The following MIA2 variants were observed in gnomAD, a reference collection of about 807,000 sequenced individuals.
The protein encoded by MIA2 is melanoma inhibitory activity protein 2.
Under a neutral mutation model 167.8 loss-of-function variants are expected in MIA2, and 127 were observed. That is an observed-to-expected ratio of 0.76 (90% CI 0.66 to 0.88). The LOEUF is 0.88. Ranked by LOEUF, MIA2 falls within the 40% of genes least tolerant of loss-of-function variation. The pLI is 0.00. For missense variants in MIA2, 1,690 were observed against 1,624.7 expected (o/e 1.04, Z -0.69); for synonymous variants, 552 against 541.9 (o/e 1.02, Z -0.26).
At chr14:39,245,759 C>G (rs1177099622) in intron 3 of MIA2, among the ~76,000 whole-genome samples, 1 of 152,178 alleles carries the variant, frequency 6.6e-6, no homozygotes, top group African/African-American at 2.4e-5. Context: ...GGAACCCACT[C>G]CTGTGATAAC....
At chr14:39,257,808 G>A (rs978644063) in intron 6 of MIA2, among the ~76,000 whole-genome samples, 3 of 152,182 alleles carry the variant, frequency 2.0e-5, no homozygotes, top group African/African-American at 7.2e-5. Flanking sequence ...GCATTTGCTT[G>A]TCTGTAAAGG....
At chr14:39,279,565 T>A (rs2058636651) in intron 9 of MIA2, 28 bp downstream of exon 9, 2 of 1,454,090 alleles carry the variant, frequency 1.4e-6, no homozygotes, top group Non-Finnish European at 1.9e-6. Context: ...ATAATATTCA[T>A]GTTAGAGTCA....
intron 6 of MIA2, chr14:39,267,048 C>G (rs1425815499): frequency 1.9e-6 from 2 of 1,040,392 alleles, no homozygotes; most frequent in East Asian, 9.7e-5. Context: ...AGGTAGAGCG[C>G]CGGCCCCTTT....
At chr14:39,238,462 T>C (rs2053870335) in intron 2 of MIA2, among the ~76,000 whole-genome samples, 1 of 152,148 alleles carries the variant, frequency 6.6e-6, no homozygotes, top group Non-Finnish European at 1.5e-5. Context: ...CGTGAGCCAC[T>C]ATGCCCGGCC....
chr14:39,237,101 T>G, intron 2 of MIA2, 46 bp downstream of exon 2: 1 of 1,596,740 alleles, frequency 6.3e-7, no homozygotes, highest in Non-Finnish European at 8.5e-7. Flanking sequence ...AATGACCAAC[T>G]TGCACAAAGA....
chr14:39,343,853 A>G (rs538662824), intron 25 of MIA2, among the ~76,000 whole-genome samples: 3 of 152,216 alleles, frequency 2.0e-5, no homozygotes, highest in South Asian at 4.1e-4. Flanking sequence ...GTGTATATGT[A>G]TATGTGCATT....
At chr14:39,266,964 C>T in intron 6 of MIA2, 3 of 694,478 alleles carry the variant, frequency 4.3e-6, no homozygotes, top group Non-Finnish European at 5.3e-6. Context: ...GCTCACACGA[C>T]AGCGCGGAGT....
chr14:39,353,471 C>T (rs1329011909), downstream of MIA2, among the ~76,000 whole-genome samples: 1 of 152,108 alleles, frequency 6.6e-6, no homozygotes, highest in Non-Finnish European at 1.5e-5. Context: ...TGCCTTATTT[C>T]ACTTAATTTA....
Position 39,279,477 on chromosome 14 carries a change from T to C in MIA2, c.2070T>C (p.Leu690=). 6.2e-7 allele frequency: 1 copy of C among 1,610,030 alleles called. No individual in the cohort carries two copies. The highest frequency in any genetic ancestry group is 8.5e-7 in the Non-Finnish European group (1 of 1,179,298). The change falls in exon 9 of 29, where the codon CTT becomes CTC. Residue 690 remains leucine (L), a synonymous_variant. Transcript: ENST00000640607. ...VGREKKLALM[L]SGLIEEKSKL... ...GAGAGAAAAAGCTTGCTCTAATGCTTTCTGGACTAATTGAAGAAAAAAGTA... is the reference window on the plus strand; with the variant it reads ...GAGAGAAAAAGCTTGCTCTAATGCTCTCTGGACTAATTGAAGAAAAAAGTA...
intron 18 of MIA2, among the ~76,000 whole-genome samples, chr14:39,311,831 TG>T (rs2064341031): frequency 1.3e-5 from 1 of 77,576 alleles, no homozygotes. Flanking sequence ...TTTTTGTGTG[TG>T]TGTGTTTTTT....
chr14:39,266,640 T>C, intron 6 of MIA2: 1 of 985,544 alleles, frequency 1.0e-6, no homozygotes, highest in Admixed American at 6.1e-5. Context: ...CGGACGTGGT[T>C]GGCAGGGCGC....
intron 24 of MIA2, 100 bp from the exon 25 acceptor site, chr14:39,326,758 CTTTGTA>C: frequency 9.9e-7 from 1 of 1,007,866 alleles, no homozygotes; most frequent in Non-Finnish European, 1.4e-6. Context: ...ATTTTTCAGA[CTTTGTA>C]TTTATAATTT....
At chr14:39,370,643 C>T in intron 23 of MIA2, 1 of 312,964 alleles carries the variant, frequency 3.2e-6, no homozygotes. Flanking sequence ...TCTCTGCTGC[C>T]CGAGTCTGTC....
chr14:39,320,094 T>C (rs1415977563), intron 23 of MIA2, among the ~76,000 whole-genome samples: 2 of 139,062 alleles, frequency 1.4e-5, no homozygotes, highest in Non-Finnish European at 3.0e-5. Flanking sequence ...GGGTGAAGTA[T>C]ATAGAAGGAT....
chr14:39,359,395 T>C (rs542124166), intron 23 of MIA2, among the ~76,000 whole-genome samples: 2 of 152,304 alleles, frequency 1.3e-5, no homozygotes, highest in South Asian at 4.1e-4. Flanking sequence ...GATAAGACCG[T>C]TGGAAAAACG....
At position 39,275,423 on chromosome 14, in the gene MIA2, C is replaced by T. The variant is rs117037738; in HGVS notation, c.1888-1511C>T. Among the ~76,000 whole-genome samples, 62 of 152,312 alleles carry T rather than the reference C, an allele frequency of 4.1e-4. No individual in the cohort carries two copies. The East Asian group carries it at 0.011, about 27-fold the overall frequency. ...CCCAAAGTGCTGGCATGAGCCACTG[C>T]GCCCGGCCCTAGCTCAATGCTTTAA... On this transcript the variant is annotated intron_variant, in intron 6 of 28. Coordinates refer to ENST00000640607, the MANE Select transcript of MIA2 (RefSeq NM_001329214.4).
intron 25 of MIA2, among the ~76,000 whole-genome samples, chr14:39,343,541 G>C (rs2153061536): frequency 1.3e-5 from 2 of 152,282 alleles, no homozygotes; most frequent in Middle Eastern, 6.8e-3. Context: ...ATAATTCTTA[G>C]TTTGCAAAAC....
Position 39,295,049 on chromosome 14 carries a change from T to G in MIA2, c.2496+20T>G, listed in dbSNP as rs1219183584. Reference sequence around the variant, plus strand: ...AAACAGGTTTGTGCTCCGTAGGGACTCTTCAACTTGTGAATATGTAATTAT... The same window carrying G: ...AAACAGGTTTGTGCTCCGTAGGGACGCTTCAACTTGTGAATATGTAATTAT... On this transcript the variant is annotated intron_variant, in intron 13 of 28. Transcript: ENST00000640607. The G allele has an allele frequency of 2.0e-6, 3 of 1,481,200 alleles. No homozygotes were observed. The highest frequency in any genetic ancestry group is 2.8e-6 in the Non-Finnish European group (3 of 1,059,912). 91.8% of individuals were successfully genotyped at this position (1,481,200 alleles called of 1,614,324 possible).
intron 23 of MIA2, among the ~76,000 whole-genome samples, chr14:39,369,827 T>C (rs982470679): frequency 1.4e-5 from 2 of 144,990 alleles, no homozygotes; most frequent in Admixed American, 6.9e-5. Flanking sequence ...GAGCATTATT[T>C]TGTTTTGTTT....
Sources: allele counts gnomAD v4.1 joint callset (sites outside exome capture counted in the v4.1 genomes callset), GRCh38; gene constraint gnomAD v4.1.1; transcripts MANE v1.5; gene names NCBI Gene and HGNC (gene_info 2026-07-23, HGNC 2026-07-21).